Variants in ZNF644 observed in about 807,000 individuals in gnomAD.
ZNF644 encodes zinc finger motif enhancer binding protein 2.
ZNF644 carries 20 observed loss-of-function variants against 108.0 expected under a neutral mutation model. That is an observed-to-expected ratio of 0.19 (90% CI 0.13 to 0.27). The LOEUF is 0.27. ZNF644 is among the 10% of genes least tolerant of loss of function. ZNF644 has a pLI of 1.00. For missense variants in ZNF644, 1,338 were observed against 1,548.9 expected (o/e 0.86, Z 2.29); for synonymous variants, 542 against 539.1 (o/e 1.01, Z -0.08).
At position 90,938,395 on chromosome 1, in the gene ZNF644, G is replaced by A. The variant is rs751696994; in HGVS notation, c.2959C>T (p.His987Tyr). ...GCTTCATAGCTTAATCCTGCTCTGT[G>A]AAGATGCCCCCTGACATGATTTGAT... ...GLSNHVRGHL[H>Y]RAGLSYEARH... is the part of the protein sequence containing the mutation. The change falls in exon 3 of 6, where the codon CAC becomes TAC. Residue 987 changes from histidine (H) to tyrosine (Y), a missense_variant. This residue lies in a region of ZNF644 where 11 missense variants were observed against 45.8 expected (regional missense o/e 0.24). Transcript: ENST00000337393. This position sits in a 1 kb window ranked among gnomAD's most constrained non-coding sequence, Gnocchi z 4.2. 4 of 1,613,940 alleles carry A rather than the reference G, an allele frequency of 2.5e-6. No individual in the cohort carries two copies. In the South Asian group the frequency reaches 3.3e-5, roughly 13 times the overall value.
intron 2 of ZNF644, among the ~76,000 whole-genome samples, chr1:90,969,667 T>C (rs1392615721): frequency 6.6e-6 from 1 of 152,186 alleles, no homozygotes; most frequent in Non-Finnish European, 1.5e-5. Context: ...AAATCAACTG[T>C]CTAGGTATCG....
At chr1:91,009,289 T>C (rs1659728049) in intron 1 of ZNF644, among the ~76,000 whole-genome samples, 1 of 152,108 alleles carries the variant, frequency 6.6e-6, no homozygotes, top group East Asian at 1.9e-4. Context: ...CTAAAACTAT[T>C]AGTTCCCAAG....
chr1:90,948,416 G>A (rs1170890457), intron 2 of ZNF644, among the ~76,000 whole-genome samples: 1 of 152,194 alleles, frequency 6.6e-6, no homozygotes, highest in East Asian at 1.9e-4. Context: ...CCTTACAACA[G>A]CTGAAGAGAT....
At chr1:91,001,038 A>C (rs540953931) in intron 1 of ZNF644, among the ~76,000 whole-genome samples, 36 of 152,228 alleles carry the variant, frequency 2.4e-4, no homozygotes, top group Non-Finnish European at 4.9e-4. Flanking sequence ...TTGAGGCAAT[A>C]ATTAATAGCC....
chr1:90,952,306 C>T (rs1424082957), intron 2 of ZNF644, among the ~76,000 whole-genome samples: 2 of 152,130 alleles, frequency 1.3e-5, no homozygotes, highest in Non-Finnish European at 2.9e-5. Flanking sequence ...ATTATGCATA[C>T]AATGTACTGT....
intron 1 of ZNF644, among the ~76,000 whole-genome samples, chr1:91,014,318 G>A (rs1471564730): frequency 6.6e-6 from 1 of 151,908 alleles, no homozygotes; most frequent in Non-Finnish European, 1.5e-5. Flanking sequence ...TCAACATTAA[G>A]CTTTTTTCTT....
chr1:90,941,118 G>C lies in ZNF644; in HGVS notation c.236C>G (p.Ser79Ter). 5 of 1,614,050 alleles carry C rather than the reference G, an allele frequency of 3.1e-6. No homozygotes were observed. Among genetic ancestry groups the C allele is most frequent in the Non-Finnish European group, 4.2e-6 (5 of 1,179,938 alleles). The change falls in exon 3 of 6, where the codon TCA becomes TGA. Residue 79 changes from serine to a stop codon, truncating the protein, a stop_gained. Coordinates refer to ENST00000337393, the MANE Select transcript of ZNF644 (RefSeq NM_201269.3). LOFTEE classifies it high-confidence loss of function. ...TAAGGCGTTTTCAGATTTGTCCTTT[G>C]ACAGTTCTTCAGGCAGAGTCAACGT... The part of the protein sequence containing the change: ...NNTLTLPEEL[S>*]KDKSENALSG...
intron 2 of ZNF644, among the ~76,000 whole-genome samples, chr1:90,955,230 A>C (rs1359293605): frequency 6.6e-6 from 1 of 152,180 alleles, no homozygotes; most frequent in African/African-American, 2.4e-5. Context: ...TTGCTGATTC[A>C]TTTATAGAGC....
Position 90,938,217 on chromosome 1 carries a change from C to A in ZNF644, c.3082+55G>T. The A allele has an allele frequency of 1.2e-6, 2 of 1,612,890 alleles. No homozygotes were observed. Among genetic ancestry groups the A allele is most frequent in the Non-Finnish European group, 1.7e-6 (2 of 1,179,414 alleles). ...CTAAATTCAAAAAAAACTTTTAAATCTTCAGAATTAGAACACAGACCTATC... is the reference window on the plus strand; with the variant it reads ...CTAAATTCAAAAAAAACTTTTAAATATTCAGAATTAGAACACAGACCTATC... On this transcript the variant is annotated intron_variant, in intron 3 of 5. Coordinates refer to ENST00000337393, the MANE Select transcript of ZNF644 (RefSeq NM_201269.3). The surrounding 1 kb of genome is among the most constrained non-coding windows in gnomAD (Gnocchi z 4.2).
chr1:90,977,289 T>C (rs1488951913), intron 2 of ZNF644, among the ~76,000 whole-genome samples: 5 of 151,956 alleles, frequency 3.3e-5, no homozygotes, highest in African/African-American at 4.8e-5. Flanking sequence ...TAGCAAACTA[T>C]AAAGAAATTT....
At chr1:90,930,104 T>G (rs868834741) in intron 4 of ZNF644, among the ~76,000 whole-genome samples, 1 of 152,146 alleles carries the variant, frequency 6.6e-6, no homozygotes, top group African/African-American at 2.4e-5. Context: ...CTGACCAACA[T>G]GGAGAAACCC....
chr1:90,991,132 AAGC>A (rs1364008027), intron 1 of ZNF644, among the ~76,000 whole-genome samples: 2 of 152,348 alleles, frequency 1.3e-5, no homozygotes, highest in Admixed American at 1.3e-4. Flanking sequence ...AGAAAATTTG[AAGC>A]AGCACTTCGG....
At chr1:90,992,442 A>G (rs1657737049) in intron 1 of ZNF644, among the ~76,000 whole-genome samples, 1 of 152,154 alleles carries the variant, frequency 6.6e-6, no homozygotes, top group Admixed American at 6.6e-5. Flanking sequence ...AACAACTGCT[A>G]ATTTACCAAC....
At chr1:90,919,836 G>A (rs919175358) in intron 4 of ZNF644, among the ~76,000 whole-genome samples, 3 of 152,014 alleles carry the variant, frequency 2.0e-5, no homozygotes, top group Non-Finnish European at 4.4e-5. Flanking sequence ...GAATGAAAAT[G>A]TTTTACTCCT....
chr1:90,959,830 T>C (rs1396447944), intron 2 of ZNF644, among the ~76,000 whole-genome samples: 1 of 152,182 alleles, frequency 6.6e-6, no homozygotes, highest in African/African-American at 2.4e-5. Flanking sequence ...TAGTCCCTCA[T>C]CTACAGTTTT....
chr1:90,915,521 T>C lies in ZNF644; in HGVS notation c.*1277A>G, dbSNP rs1046834955. 6.6e-6 allele frequency: 1 copy of C among 152,590 alleles called. No individual in the cohort carries two copies. The highest frequency in any genetic ancestry group is 1.9e-4 in the East Asian group (1 of 5,200). 9.5% of individuals were successfully genotyped at this position (152,590 alleles called of 1,614,324 possible). A position where few individuals can be genotyped will look rare whatever the true frequency, so the allele number is the denominator to read the frequency against. On this transcript the variant is annotated 3_prime_UTR_variant, in exon 6 of 6. Coordinates refer to ENST00000337393, the MANE Select transcript of ZNF644 (RefSeq NM_201269.3). ...TACATGAAATAAAATGGTGCTTGCATACAAAAACTTGTTGTTTGTAAAGGA... is the reference window on the plus strand; with the variant it reads ...TACATGAAATAAAATGGTGCTTGCACACAAAAACTTGTTGTTTGTAAAGGA...
intron 1 of ZNF644, among the ~76,000 whole-genome samples, chr1:91,012,082 G>A (rs558257732): frequency 1.4e-4 from 21 of 152,108 alleles, no homozygotes; most frequent in Admixed American, 3.3e-4. Context: ...TGAACACTAA[G>A]AAGCACCTCT....
intron 1 of ZNF644, among the ~76,000 whole-genome samples, chr1:91,007,111 T>C (rs1394811131): frequency 6.6e-6 from 1 of 152,094 alleles, no homozygotes; most frequent in East Asian, 1.9e-4. Context: ...ATGATGTATC[T>C]TGATGTGGTT....
At position 90,938,061 on chromosome 1, in the gene ZNF644, G is replaced by A. The variant is rs1235297593; in HGVS notation, c.3112C>T (p.His1038Tyr). ...CAACCACCACAGAGCTGACAAGTGT[G>A]TTCAGAAGTGGTTTCAGACTTCTCT... is the stretch of plus-strand genomic sequence containing the variant. ...AIEKSETTSE[H>Y]TCQLCGGWFD... Residue 1038 changes from histidine (H) to tyrosine (Y), a missense_variant, in exon 4 of 6, where the codon CAC (histidine) becomes TAC (tyrosine). Around this residue, in one of 6 missense-constraint regions of ZNF644, gnomAD observed 287 missense variants for 310.9 expected, o/e 0.92. Coordinates refer to ENST00000337393, the MANE Select transcript of ZNF644 (RefSeq NM_201269.3). The surrounding 1 kb of genome is among the most constrained non-coding windows in gnomAD (Gnocchi z 4.2). 2 of 1,610,594 alleles carry A rather than the reference G, an allele frequency of 1.2e-6. No homozygotes were observed. The highest frequency in any genetic ancestry group is 1.7e-6 in the Non-Finnish European group (2 of 1,179,780).
Sources: allele counts gnomAD v4.1 joint callset (sites outside exome capture counted in the v4.1 genomes callset), GRCh38; gene constraint gnomAD v4.1.1; regional missense constraint gnomAD v4.1.1; non-coding constraint Gnocchi (gnomAD v3.1); transcripts MANE v1.5; gene names NCBI Gene and HGNC (gene_info 2026-07-23, HGNC 2026-07-21).